DNAH11: variants seen among roughly 807,000 people sequenced by gnomAD.
DNAH11 encodes the protein dynein axonemal heavy chain 11, also known as axonemal beta dynein heavy chain 11.
Under a neutral mutation model 526.0 loss-of-function variants are expected in DNAH11, and 442 were observed. That is an observed-to-expected ratio of 0.84 (90% CI 0.78 to 0.91). The LOEUF is 0.91. Ranked by LOEUF, DNAH11 falls within the 40% of genes least tolerant of loss-of-function variation. The pLI, the probability that DNAH11 is intolerant of heterozygous loss-of-function variation, is 0.00. For missense variants in DNAH11, 6,989 were observed against 5,448.7 expected (o/e 1.28, Z -8.90); for synonymous variants, 2,461 against 1,935.9 (o/e 1.27, Z -7.12).
intron 25 of DNAH11, among the ~76,000 whole-genome samples, chr7:21,626,871 C>T (rs1786364585): frequency 6.6e-6 from 1 of 151,422 alleles, no homozygotes; most frequent in South Asian, 2.1e-4. Flanking sequence ...CTGCCTCAGC[C>T]TCCCAAGTAG....
chr7:21,670,515 T>G (rs1782602995), intron 30 of DNAH11, among the ~76,000 whole-genome samples: 2 of 152,152 alleles, frequency 1.3e-5, no homozygotes, highest in African/African-American at 4.8e-5. Context: ...TTCTTTTTCT[T>G]TTTGTTCTTT....
chr7:21,803,150 C>G (rs2127994217), intron 62 of DNAH11, among the ~76,000 whole-genome samples: 1 of 151,948 alleles, frequency 6.6e-6, no homozygotes. Flanking sequence ...ATTAGAAATG[C>G]CTTTAGCTGA....
intron 4 of DNAH11, 67 bp downstream of exon 4, chr7:21,559,859 G>T: frequency 7.6e-7 from 1 of 1,321,000 alleles, no homozygotes. Flanking sequence ...ATGACCAATA[G>T]TTTTAAAGAT....
chr7:21,889,884 T>A (rs1281714832), intron 76 of DNAH11, among the ~76,000 whole-genome samples: 2 of 152,188 alleles, frequency 1.3e-5, no homozygotes, highest in East Asian at 1.9e-4. Context: ...AGATTCAGCA[T>A]CAGGATTCAC....
intron 21 of DNAH11, 91 bp downstream of exon 21, chr7:21,615,363 A>T: frequency 7.0e-7 from 1 of 1,430,072 alleles, no homozygotes; most frequent in Non-Finnish European, 9.4e-7. Flanking sequence ...TTTGGGTTTT[A>T]TAATGTCTTG....
chr7:21,826,521 C>A (rs560422029), intron 65 of DNAH11, among the ~76,000 whole-genome samples: 1 of 151,904 alleles, frequency 6.6e-6, no homozygotes, highest in Non-Finnish European at 1.5e-5. Context: ...GAAAATTAAT[C>A]TACATGTTTG....
chr7:21,756,885 T>C (rs1022610160), intron 54 of DNAH11, among the ~76,000 whole-genome samples: 4 of 152,220 alleles, frequency 2.6e-5, no homozygotes, highest in African/African-American at 9.6e-5. Context: ...CGTGTCTTCC[T>C]TTAGTCAAAG....
chr7:21,614,044 T>C (rs149197728), intron 20 of DNAH11, among the ~76,000 whole-genome samples: 2 of 152,104 alleles, frequency 1.3e-5, no homozygotes, highest in African/African-American at 4.8e-5. Context: ...CCCAAAGTGC[T>C]GGGATTACAA....
chr7:21,661,062 G>T (rs1216179941), intron 30 of DNAH11, among the ~76,000 whole-genome samples: 2 of 151,982 alleles, frequency 1.3e-5, no homozygotes, highest in Non-Finnish European at 2.9e-5. Flanking sequence ...CTCCACTCAG[G>T]CACTTACATT....
chr7:21,554,545 C>G (rs1023039188), intron 2 of DNAH11, among the ~76,000 whole-genome samples: 1 of 152,004 alleles, frequency 6.6e-6, no homozygotes, highest in African/African-American at 2.4e-5. Flanking sequence ...GACGTCTTGC[C>G]CAGCAGGTTG....
chr7:21,749,896 A>T (rs1786337633), intron 53 of DNAH11, 95 bp downstream of exon 53: 11 of 1,563,536 alleles, frequency 7.0e-6, no homozygotes, highest in Admixed American at 1.8e-5. Flanking sequence ...CGTCTTTGAG[A>T]TGTTTGCTGG....
intron 2 of DNAH11, among the ~76,000 whole-genome samples, chr7:21,545,926 A>G (rs1262044667): frequency 6.6e-6 from 1 of 152,168 alleles, no homozygotes; most frequent in Non-Finnish European, 1.5e-5. Flanking sequence ...AACTTGTAAC[A>G]CAATGCCCCA....
chr7:21,740,044 T>C (rs538795510), intron 48 of DNAH11, among the ~76,000 whole-genome samples: 14 of 152,306 alleles, frequency 9.2e-5, no homozygotes, highest in African/African-American at 3.1e-4. Flanking sequence ...CTTTGTATTA[T>C]ACGTTCCAGG....
intron 63 of DNAH11, among the ~76,000 whole-genome samples, chr7:21,811,934 A>G (rs1352833851): frequency 1.3e-5 from 2 of 152,134 alleles, no homozygotes; most frequent in Non-Finnish European, 2.9e-5. Context: ...TCAAAAAAGG[A>G]GGTACTCTAA....
chr7:21,730,038 CAGTT>C (rs1385264249), intron 45 of DNAH11, among the ~76,000 whole-genome samples: 3 of 152,258 alleles, frequency 2.0e-5, no homozygotes, highest in Middle Eastern at 3.4e-3. Flanking sequence ...GTGAAAATAT[CAGTT>C]AGTATAGCCA....
intron 14 of DNAH11, among the ~76,000 whole-genome samples, chr7:21,597,502 G>T (rs965015944): frequency 2.6e-5 from 4 of 152,178 alleles, no homozygotes; most frequent in Non-Finnish European, 5.9e-5. Flanking sequence ...CTAGATGGCT[G>T]GGGAGGCCTC....
chr7:21,688,525 A>C (rs1783479506), intron 34 of DNAH11, among the ~76,000 whole-genome samples: 1 of 152,156 alleles, frequency 6.6e-6, no homozygotes, highest in African/African-American at 2.4e-5. Flanking sequence ...TGACTACCAG[A>C]TGCCCAGGCT....
In DNAH11 at chr7:21,707,808, A is replaced by T; in HGVS notation, c.6656A>T (p.His2219Leu). ...GATGAACTCTTTGGTTTCATACATC[A>T]TGCTACCCGAGAATGGAAAGATGGC... is the stretch of plus-strand genomic sequence containing the variant. ...TTDELFGFIH[H>L]ATREWKDGKI... The change falls in exon 40 of 82, where the codon CAT becomes CTT. Residue 2219 changes from histidine to leucine, a missense_variant. Physicochemically the swap from His to Leu is moderately conservative, Grantham distance 99 (BLOSUM62 -3). Transcript: ENST00000409508. 2 of 1,604,332 alleles carry T rather than the reference A, an allele frequency of 1.2e-6. No homozygotes were observed. The highest frequency in any genetic ancestry group is 1.7e-6 in the Non-Finnish European group (2 of 1,176,310).
intron 72 of DNAH11, 113 bp downstream of exon 72, chr7:21,868,120 T>TC: frequency 2.8e-6 from 3 of 1,054,224 alleles, no homozygotes; most frequent in Non-Finnish European, 3.8e-6. Context: ...TTTTTTTTTT[T>TC]AATTTGTTGA....
Sources: allele counts gnomAD v4.1 joint callset (sites outside exome capture counted in the v4.1 genomes callset), GRCh38; gene constraint gnomAD v4.1.1; transcripts MANE v1.5; gene names NCBI Gene and HGNC (gene_info 2026-07-23, HGNC 2026-07-21).